The following LIN28B variants were observed in gnomAD, a reference collection of about 807,000 sequenced individuals.
LIN28B encodes the protein protein lin-28 homolog B.
In LIN28B, 5 loss-of-function variants were observed where a neutral mutation model predicts 21.9. That is an observed-to-expected ratio of 0.23 (90% confidence interval 0.12 to 0.48). The LOEUF (loss-of-function observed/expected upper bound fraction) is 0.48, where lower values mean the gene tolerates loss of function less well. Among genes scored for constraint, LIN28B ranks in the 20% least tolerant of loss-of-function variants. LIN28B has a pLI of 0.98. For synonymous variants in LIN28B, 109 were observed against 111.3 expected, an observed-to-expected ratio of 0.98 and a Z score of 0.13; for missense variants, 245 against 310.5, an observed-to-expected ratio of 0.79 and a Z score of 1.58.
At chr6:104,991,743 G>C (rs971673789) in intron 2 of LIN28B, among the ~76,000 whole-genome samples, 6 of 152,222 alleles carry the variant, frequency 3.9e-5, no homozygotes, top group African/African-American at 1.4e-4. Context: ...GAGTGAACGA[G>C]ACTCCGTCTG....
intron 2 of LIN28B, among the ~76,000 whole-genome samples, chr6:104,949,579 G>A (rs1253864030): frequency 6.6e-6 from 1 of 152,198 alleles, no homozygotes; most frequent in African/African-American, 2.4e-5. Context: ...TTTTTTGTGA[G>A]TTGATATAGT....
At chr6:105,007,263 TTTGAATTTATTATTCAAAACAA>T (rs1364416447) in intron 2 of LIN28B, among the ~76,000 whole-genome samples, 2 of 152,224 alleles carry the variant, frequency 1.3e-5, no homozygotes, top group East Asian at 1.9e-4. Flanking sequence ...ACAGTTTCAA[TTTGAATTTATTATTCAAAACAA>T]TTGAATTTAT....
At chr6:105,016,061 C>G (rs1302081197) in intron 2 of LIN28B, among the ~76,000 whole-genome samples, 1 of 151,970 alleles carries the variant, frequency 6.6e-6, no homozygotes, top group Non-Finnish European at 1.5e-5. Flanking sequence ...ACATTAATAC[C>G]ATAGAAGTAT....
intron 2 of LIN28B, among the ~76,000 whole-genome samples, chr6:105,013,077 G>A (rs917936112): frequency 2.6e-5 from 4 of 152,038 alleles, no homozygotes; most frequent in Non-Finnish European, 5.9e-5. Flanking sequence ...GTGCAATGGC[G>A]CAATCTCAGC....
intron 2 of LIN28B, among the ~76,000 whole-genome samples, chr6:105,009,483 A>T (rs529238331): frequency 3.3e-5 from 5 of 152,276 alleles, no homozygotes; most frequent in Admixed American, 6.5e-5. Flanking sequence ...TTATTTTTAC[A>T]TTAGGTAAAG....
At chr6:104,956,995 C>T (rs888004210), upstream of LIN28B, 12 of 1,100,898 alleles carry the variant, frequency 1.1e-5, no homozygotes, top group African/African-American at 8.2e-5. Context: ...TTATCTCTTC[C>T]TCTTGCCAGC....
At chr6:105,005,918 CTCTT>C (rs1411707504) in intron 2 of LIN28B, among the ~76,000 whole-genome samples, 3 of 152,236 alleles carry the variant, frequency 2.0e-5, no homozygotes, top group Middle Eastern at 3.4e-3. Context: ...TTTTCAAGAG[CTCTT>C]TCTTGTTTTC....
intron 2 of LIN28B, among the ~76,000 whole-genome samples, chr6:104,938,215 G>A (rs1778034843): frequency 6.6e-6 from 1 of 152,102 alleles, no homozygotes; most frequent in African/African-American, 2.4e-5. Flanking sequence ...TTGTACACCA[G>A]CCTTGGCAAC....
At chr6:104,951,098 C>G (rs1055113915) in intron 3 of LIN28B, among the ~76,000 whole-genome samples, 19 of 151,808 alleles carry the variant, frequency 1.3e-4, no homozygotes. Flanking sequence ...TATTTTAAAC[C>G]CAGACTTTTG....
At chr6:105,077,596 T>C (rs1772456773) in intron 3 of LIN28B, among the ~76,000 whole-genome samples, 1 of 152,200 alleles carries the variant, frequency 6.6e-6, no homozygotes, top group Non-Finnish European at 1.5e-5. Flanking sequence ...CGGATTTCCA[T>C]TTATTTTAAC....
At chr6:105,009,458 G>C (rs1172202231) in intron 2 of LIN28B, among the ~76,000 whole-genome samples, 2 of 152,122 alleles carry the variant, frequency 1.3e-5, no homozygotes, top group African/African-American at 2.4e-5. Flanking sequence ...GGTTTTTTGG[G>C]GGGGAGGCGT....
Position 104,977,841 on chromosome 6 carries a change from C to G in LIN28B, c.198+19555C>G, listed in dbSNP as rs533829208. ...TTGGCCTCCCAAAATGCTAGGATTA[C>G]AGGCGTGAGCCACCGCACCCGACCA... On this transcript the variant is annotated intron_variant, in intron 2 of 3. Transcript: ENST00000345080. Among the ~76,000 whole-genome samples the G allele has an allele frequency of 4.6e-5, 7 of 152,232 alleles. No individual in the cohort carries two copies. The East Asian group carries it at 1.2e-3, about 25-fold the overall frequency.
intron 2 of LIN28B, among the ~76,000 whole-genome samples, chr6:105,014,609 A>G (rs1032152439): frequency 3.3e-5 from 5 of 152,162 alleles, no homozygotes; most frequent in Non-Finnish European, 7.3e-5. Context: ...GGCGTGAGCC[A>G]CTGCACCTGG....
chr6:105,056,326 C>G (rs1272688053), intron 3 of LIN28B, among the ~76,000 whole-genome samples: 1 of 151,626 alleles, frequency 6.6e-6, no homozygotes, highest in Non-Finnish European at 1.5e-5. Context: ...TTTGTTTTCT[C>G]TACAAGATGT....
chr6:104,984,861 G>A lies in LIN28B; in HGVS notation c.198+26575G>A, dbSNP rs188516626. Among the ~76,000 whole-genome samples, 31 of 152,280 alleles carry A rather than the reference G, an allele frequency of 2.0e-4. No homozygotes were observed. The East Asian group carries it at 5.2e-3, about 26-fold the overall frequency. ...AGATAACAGTTTTTGAATACTGTAG[G>A]AATATTTCCTAAATTTTTGTGCTAT... On this transcript the variant is annotated intron_variant, in intron 2 of 3. Transcript: ENST00000345080.
chr6:105,020,164 A>C (rs1420797383), intron 2 of LIN28B, among the ~76,000 whole-genome samples: 1 of 121,514 alleles, frequency 8.2e-6, no homozygotes, highest in Non-Finnish European at 1.6e-5. Flanking sequence ...CCCAGGTTGG[A>C]GTGCAGTGGC....
chr6:105,002,704 A>G (rs1770743141), intron 2 of LIN28B, among the ~76,000 whole-genome samples: 1 of 152,210 alleles, frequency 6.6e-6, no homozygotes, highest in Admixed American at 6.5e-5. Context: ...ATATTGCTTC[A>G]TCTGTGGCTT....
chr6:104,956,741 C>T (rs993748144), upstream of LIN28B, among the ~76,000 whole-genome samples: 4 of 152,112 alleles, frequency 2.6e-5, no homozygotes, highest in African/African-American at 9.7e-5. Context: ...TTTATTTAAA[C>T]GACCCCCTCC....
chr6:105,060,147 C>T (rs926891788), intron 3 of LIN28B, among the ~76,000 whole-genome samples: 11 of 152,222 alleles, frequency 7.2e-5, no homozygotes, highest in Non-Finnish European at 1.0e-4. Flanking sequence ...AGGTGATCCG[C>T]CTGCCTTGGC....
Sources: allele counts gnomAD v4.1 joint callset (sites outside exome capture counted in the v4.1 genomes callset), GRCh38; gene constraint gnomAD v4.1.1; transcripts MANE v1.5; gene names NCBI Gene and HGNC (gene_info 2026-07-23, HGNC 2026-07-21).